CASD1: variants seen among roughly 807,000 people sequenced by gnomAD.
CASD1 encodes N-acetylneuraminate (7)9-O-acetyltransferase.
In CASD1, 41 loss-of-function variants were observed where a neutral mutation model predicts 100.0. That is an observed-to-expected ratio of 0.41 (90% CI 0.32 to 0.53). CASD1 has a LOEUF of 0.53. Among genes scored for constraint, CASD1 ranks in the 20% least tolerant of loss-of-function variants. The probability of loss-of-function intolerance (pLI) is 0.25; values close to 1 mark genes in which losing one functional copy is unlikely to be tolerated. For missense variants in CASD1, 774 were observed against 948.7 expected, an observed-to-expected ratio of 0.82 and a Z score of 2.42; for synonymous variants, 321 against 315.6, an observed-to-expected ratio of 1.02 and a Z score of -0.18.
chr7:94,560,135 A>T (rs1370579231), downstream of CASD1, among the ~76,000 whole-genome samples: 1 of 152,216 alleles, frequency 6.6e-6, no homozygotes, highest in Non-Finnish European at 1.5e-5. Flanking sequence ...AACAAGTCAC[A>T]GGGTCAAAGT....
chr7:94,572,159 C>T, the CASD1 span, among the ~76,000 whole-genome samples: 1 of 152,040 alleles, frequency 6.6e-6, no homozygotes, highest in Admixed American at 6.6e-5. Context: ...TTGATCTTCT[C>T]CTGGAGTATT....
At chr7:94,535,232 C>A in intron 7 of CASD1, 77 bp from the exon 8 acceptor site, 1 of 1,028,456 alleles carries the variant, frequency 9.7e-7, no homozygotes, top group Non-Finnish European at 1.5e-6. Flanking sequence ...AAATGTGGAA[C>A]AGCTAACTTG....
intron 13 of CASD1, among the ~76,000 whole-genome samples, chr7:94,547,942 T>G (rs1795758215): frequency 6.7e-6 from 1 of 148,910 alleles, no homozygotes; most frequent in South Asian, 2.1e-4. Flanking sequence ...GCCGTTTGGG[T>G]TTTTTTTTTC....
At chr7:94,560,740 G>A (rs1268517487), downstream of CASD1, among the ~76,000 whole-genome samples, 2 of 152,094 alleles carry the variant, frequency 1.3e-5, no homozygotes, top group Admixed American at 1.3e-4. Context: ...TCTTTAAATA[G>A]CCCTGGGACT....
intron 16 of CASD1, chr7:94,553,076 T>A (rs1796028125): frequency 2.6e-6 from 1 of 389,252 alleles, no homozygotes; most frequent in African/African-American, 2.1e-5. Context: ...TGCAATACTT[T>A]AATTATAATA....
the CASD1 span, chr7:94,600,888 A>G: frequency 1.1e-4 from 167 of 1,525,182 alleles, no homozygotes; most frequent in Non-Finnish European, 1.4e-4. Context: ...TACACAACAA[A>G]TTAATCGTTG....
the CASD1 span, among the ~76,000 whole-genome samples, chr7:94,609,397 T>C: frequency 6.6e-6 from 1 of 152,174 alleles, no homozygotes. Context: ...TAAGATGGCA[T>C]GCTTCTATAG....
chr7:94,609,428 A>G, the CASD1 span, among the ~76,000 whole-genome samples: 1 of 152,194 alleles, frequency 6.6e-6, no homozygotes, highest in Non-Finnish European at 1.5e-5. Flanking sequence ...TTGACTTGGG[A>G]GGCTGAGGCA....
At chr7:94,597,351 G>A in the CASD1 span, 1 of 152,032 alleles carries the variant, frequency 6.6e-6, no homozygotes. Context: ...ATACTTTTGG[G>A]TTTCTGAAGT....
intron 13 of CASD1, among the ~76,000 whole-genome samples, chr7:94,548,665 A>G (rs1584430035): frequency 6.6e-6 from 1 of 151,954 alleles, no homozygotes; most frequent in East Asian, 1.9e-4. Flanking sequence ...ATTATCTAAA[A>G]TATAATATTA....
chr7:94,603,165 G>C, the CASD1 span: 3 of 700,632 alleles, frequency 4.3e-6, no homozygotes, highest in Non-Finnish European at 7.4e-6. Flanking sequence ...TTAATCTCAA[G>C]GGAAGTCAAC....
the CASD1 span, among the ~76,000 whole-genome samples, chr7:94,610,132 A>G: frequency 6.6e-6 from 1 of 152,254 alleles, no homozygotes; most frequent in African/African-American, 2.4e-5. Flanking sequence ...CATGATTCCA[A>G]TTATATGACA....
the CASD1 span, chr7:94,586,876 G>GTC: frequency 1.0e-6 from 1 of 984,924 alleles, no homozygotes; most frequent in African/African-American, 1.7e-5. Context: ...TGCTAGGGTG[G>GTC]TCTCTCTCCC....
intron 7 of CASD1, among the ~76,000 whole-genome samples, chr7:94,534,913 CAA>C (rs1236826381): frequency 2.6e-5 from 4 of 151,974 alleles, no homozygotes; most frequent in East Asian, 1.9e-4. Context: ...TAAGCAGTGA[CAA>C]GAGAAAAAAA....
intron 16 of CASD1, among the ~76,000 whole-genome samples, chr7:94,552,674 C>T (rs1193952895): frequency 5.3e-5 from 8 of 152,174 alleles, no homozygotes; most frequent in South Asian, 2.1e-4. Context: ...TGGTGGCTCA[C>T]GCCTGTAATC....
chr7:94,586,285 A>G, the CASD1 span, among the ~76,000 whole-genome samples: 1 of 152,128 alleles, frequency 6.6e-6, no homozygotes, highest in Non-Finnish European at 1.5e-5. Flanking sequence ...AGCTGCCTCT[A>G]TGCAGTATTA....
intron 3 of CASD1, among the ~76,000 whole-genome samples, chr7:94,525,120 A>G (rs1794493095): frequency 6.6e-6 from 1 of 152,202 alleles, no homozygotes; most frequent in African/African-American, 2.4e-5. Context: ...GAGAAAAACT[A>G]TAGAATATGT....
At chr7:94,583,275 G>A in the CASD1 span, among the ~76,000 whole-genome samples, 505 of 152,206 alleles carry the variant, frequency 3.3e-3, 2 homozygotes, top group Middle Eastern at 6.8e-3. Flanking sequence ...TAAATGTTTA[G>A]GGGCTTTCAA....
chr7:94,548,917 T>C (rs1795811287), intron 13 of CASD1, among the ~76,000 whole-genome samples: 1 of 151,926 alleles, frequency 6.6e-6, no homozygotes, highest in Non-Finnish European at 1.5e-5. Flanking sequence ...CATAAGAGGG[T>C]ACTATTCACT....
Sources: allele counts gnomAD v4.1 joint callset (sites outside exome capture counted in the v4.1 genomes callset), GRCh38; gene constraint gnomAD v4.1.1; transcripts MANE v1.5; gene names NCBI Gene and HGNC (gene_info 2026-07-23, HGNC 2026-07-21).